The following ERBIN variants were observed in gnomAD, a reference collection of about 807,000 sequenced individuals.
ERBIN encodes erbb2 interacting protein, also known as densin-180-like protein.
ERBIN carries 60 observed loss-of-function variants against 158.4 expected under a neutral mutation model. The observed-to-expected ratio is 0.38, with a 90% CI of 0.31 to 0.47. The LOEUF (loss-of-function observed/expected upper bound fraction) is 0.47, where lower values mean the gene tolerates loss of function less well. Among genes scored for constraint, ERBIN ranks in the 20% least tolerant of loss-of-function variants. ERBIN has a pLI of 0.99. For synonymous variants in ERBIN, 594 were observed against 557.2 expected (o/e 1.07, Z -0.93); for missense variants, 1,610 against 1,648.0 (o/e 0.98, Z 0.40).
At chr5:65,973,825 T>C (rs181723337) in intron 1 of ERBIN, among the ~76,000 whole-genome samples, 1 of 151,414 alleles carries the variant, frequency 6.6e-6, no homozygotes, top group African/African-American at 2.5e-5. Context: ...AGAAATGTTT[T>C]TTAGGTTTTT....
At position 66,018,503 on chromosome 5, in the gene ERBIN, ATATTATATAT is replaced by A. The variant is rs1382421263; in HGVS notation, c.534-2815_534-2806del. On this transcript the variant is annotated intron_variant, in intron 7 of 25. Coordinates refer to ENST00000284037, the MANE Select transcript of ERBIN (RefSeq NM_001253697.2). ...TATTATATATTATATTATATAATAT[ATATTATATAT>A]TATATAATATATATTATATTATATA... Among the ~76,000 whole-genome samples, 2 of 11,112 alleles carry A rather than the reference ATATTATATAT, an allele frequency of 1.8e-4. 1 individual carries two copies. Among genetic ancestry groups the A allele is most frequent in the East Asian group, 2.4e-3 (2 of 846 alleles). The allele number at this position is 11,112 out of a possible 152,430, so 7.3% of individuals were successfully genotyped here. A position where few individuals can be genotyped will look rare whatever the true frequency, so the allele number is the denominator to read the frequency against.
In ERBIN at chr5:66,030,963, T is replaced by A. The variant is rs539299872; in HGVS notation, c.1206+2620T>A. On this transcript the variant is annotated intron_variant, in intron 14 of 25. Coordinates refer to ENST00000284037, the MANE Select transcript of ERBIN (RefSeq NM_001253697.2). ...TAACCAAGTATCTGCTACGGTTTCT[T>A]CATATTTATAGTGTTCTCTCATTCT... 2.6e-5 allele frequency among the ~76,000 whole-genome samples: 4 copies of A among 152,308 alleles called. 1 individual carries two copies. Among genetic ancestry groups the A allele is most frequent in the African/African-American group, 9.6e-5 (4 of 41,574 alleles).
intron 1 of ERBIN, among the ~76,000 whole-genome samples, chr5:65,957,756 G>A (rs1175630669): frequency 6.6e-6 from 1 of 152,230 alleles, no homozygotes. Flanking sequence ...GGTGGAGGCC[G>A]GGCAGAGGGG....
chr5:65,928,282 A>C (rs950307824), intron 1 of ERBIN, among the ~76,000 whole-genome samples: 1 of 151,438 alleles, frequency 6.6e-6, no homozygotes, highest in South Asian at 2.1e-4. Flanking sequence ...TTTGTGAACC[A>C]TGGAATAATT....
chr5:66,007,378 A>C (rs1049125184), intron 4 of ERBIN, among the ~76,000 whole-genome samples: 1 of 149,186 alleles, frequency 6.7e-6, no homozygotes, highest in African/African-American at 2.6e-5. Context: ...ATCACACACC[A>C]GGGCCTGTCG....
intron 14 of ERBIN, among the ~76,000 whole-genome samples, chr5:66,029,511 C>G (rs1383458341): frequency 1.3e-5 from 2 of 152,048 alleles, no homozygotes; most frequent in Non-Finnish European, 2.9e-5. Context: ...TAAAGAAACC[C>G]GCAAGGATTC....
chr5:66,065,518 C>T (rs998779415), intron 21 of ERBIN, among the ~76,000 whole-genome samples: 2 of 151,162 alleles, frequency 1.3e-5, no homozygotes, highest in African/African-American at 4.9e-5. Context: ...GGTTTTCAAA[C>T]TTTACTATAT....
intron 7 of ERBIN, among the ~76,000 whole-genome samples, chr5:66,020,457 A>AT (rs1755569485): frequency 6.6e-6 from 1 of 151,946 alleles, no homozygotes; most frequent in South Asian, 2.1e-4. Flanking sequence ...TGATATTGTG[A>AT]TTATAACTAT....
At chr5:65,992,210 C>T (rs1025231188) in intron 2 of ERBIN, among the ~76,000 whole-genome samples, 3 of 151,870 alleles carry the variant, frequency 2.0e-5, no homozygotes, top group Admixed American at 6.6e-5. Context: ...AATGCAGTGG[C>T]GCGATCTCGG....
chr5:65,939,600 G>A (rs889017333), intron 1 of ERBIN, among the ~76,000 whole-genome samples: 1 of 151,788 alleles, frequency 6.6e-6, no homozygotes, highest in African/African-American at 2.4e-5. Flanking sequence ...ATGCCGAGCC[G>A]AAGCTGGACT....
At chr5:66,010,873 T>G (rs1020334679) in intron 4 of ERBIN, among the ~76,000 whole-genome samples, 2 of 152,218 alleles carry the variant, frequency 1.3e-5, no homozygotes, top group African/African-American at 4.8e-5. Context: ...AGTCCACAAA[T>G]TATTTATTAC....
At chr5:65,979,798 C>G (rs1433457748) in intron 1 of ERBIN, among the ~76,000 whole-genome samples, 1 of 152,178 alleles carries the variant, frequency 6.6e-6, no homozygotes, top group Non-Finnish European at 1.5e-5. Flanking sequence ...AGTTTATCTT[C>G]TAGTTTTTAA....
intron 1 of ERBIN, among the ~76,000 whole-genome samples, chr5:65,955,200 C>G (rs538982767): frequency 2.0e-5 from 3 of 152,208 alleles, no homozygotes; most frequent in Non-Finnish European, 2.9e-5. Flanking sequence ...GAAAATTATG[C>G]TAGCACATAG....
rs34521887 is a variant in ERBIN at position 66,054,059 on chromosome 5, A to G, written c.2741A>G (p.Lys914Arg). ...AVDGKNIVRS[K>R]SATLLYDQPL... ...GATGGAAAAAATATAGTCAGGAGCA[A>G]GTCTGCCACACTGTTGTATGATCAA... Residue 914 changes from lysine (K) to arginine (R), a missense_variant, in exon 21 of 26, where the codon AAG becomes AGG. Coordinates refer to ENST00000284037, the MANE Select transcript of ERBIN (RefSeq NM_001253697.2). The G allele has an allele frequency of 2.0e-3, 3,193 of 1,614,180 alleles. 41 individuals carry two copies. The African/African-American group carries it at 0.034, about 17-fold the overall frequency.
At chr5:65,942,879 G>T (rs1208971617) in intron 1 of ERBIN, among the ~76,000 whole-genome samples, 1 of 149,142 alleles carries the variant, frequency 6.7e-6, no homozygotes, top group East Asian at 2.0e-4. Flanking sequence ...GTGCACTCCA[G>T]CCTGGGTGAC....
intron 1 of ERBIN, among the ~76,000 whole-genome samples, chr5:65,955,648 T>C (rs1185154319): frequency 1.3e-5 from 2 of 152,076 alleles, no homozygotes; most frequent in African/African-American, 4.8e-5. Flanking sequence ...CATCAGAATA[T>C]AGATTGATAT....
rs1762415344 is a variant in ERBIN at position 66,082,196 on chromosome 5, A to T, written c.*3666A>T. Reference sequence around the variant, plus strand: ...CCTGAGAAGCTCATCCTAAGCTGAGAAAGCCTAAAATGTTAGAGAATGTTT... The same window carrying T: ...CCTGAGAAGCTCATCCTAAGCTGAGTAAGCCTAAAATGTTAGAGAATGTTT... On this transcript the variant is annotated 3_prime_UTR_variant, in exon 26 of 26. Coordinates refer to ENST00000284037, the MANE Select transcript of ERBIN (RefSeq NM_001253697.2). The T allele has an allele frequency of 6.6e-6, 1 of 152,202 alleles. No individual in the cohort carries two copies. The highest frequency in any genetic ancestry group is 1.5e-5 in the Non-Finnish European group (1 of 68,034). The allele number at this position is 152,202 out of a possible 1,614,324, so 9.4% of individuals were successfully genotyped here.
At position 66,025,499 on chromosome 5, in the gene ERBIN, A is replaced by C. The variant is rs1756142516; in HGVS notation, c.837A>C (p.Thr279=). The C allele has an allele frequency of 6.2e-7, 1 of 1,612,242 alleles. No homozygotes were observed. Among genetic ancestry groups the C allele is most frequent in the Admixed American group, 1.7e-5 (1 of 59,968 alleles). ...CATTAGGTTCGTTGAAGAATATAAC[A>C]ACGCTTAAAATAGATGAAAACCAGT... ...PETIGSLKNI[T]TLKIDENQLM... Residue 279 remains threonine (T), a synonymous_variant, in exon 11 of 26, where the codon ACA becomes ACC. Coordinates refer to ENST00000284037, the MANE Select transcript of ERBIN (RefSeq NM_001253697.2).
chr5:66,013,513 A>T, intron 5 of ERBIN, 36 bp from the exon 6 acceptor site: 1 of 1,315,662 alleles, frequency 7.6e-7, no homozygotes, highest in Non-Finnish European at 1.1e-6. Flanking sequence ...TGAATTTCTT[A>T]CATGAACTTA....
Sources: allele counts gnomAD v4.1 joint callset (sites outside exome capture counted in the v4.1 genomes callset), GRCh38; gene constraint gnomAD v4.1.1; transcripts MANE v1.5; gene names NCBI Gene and HGNC (gene_info 2026-07-23, HGNC 2026-07-21).